CDC40: variants seen among roughly 807,000 people sequenced by gnomAD.
CDC40 encodes pre-mRNA-processing factor 17.
CDC40 carries 27 observed loss-of-function variants against 80.6 expected under a neutral mutation model. That is an observed-to-expected ratio of 0.33 (90% CI 0.25 to 0.46). The LOEUF (loss-of-function observed/expected upper bound fraction) is 0.46, where lower values mean the gene tolerates loss of function less well. Ranked by LOEUF, CDC40 falls within the 20% of genes least tolerant of loss-of-function variation. The pLI, the probability that CDC40 is intolerant of heterozygous loss-of-function variation, is 1.00. For missense variants in CDC40, 486 were observed against 694.1 expected, an observed-to-expected ratio of 0.70 and a Z score of 3.37; for synonymous variants, 221 against 232.6, an observed-to-expected ratio of 0.95 and a Z score of 0.45.
chr6:110,212,144 T>A lies in CDC40; in HGVS notation c.739T>A (p.Tyr247Asn), dbSNP rs746838076. 5 of 1,612,968 alleles carry A rather than the reference T, an allele frequency of 3.1e-6. No individual in the cohort carries two copies. Among genetic ancestry groups the A allele is most frequent in the Non-Finnish European group, 4.2e-6 (5 of 1,179,310 alleles). The change falls in exon 7 of 15, where the codon TAT (tyrosine) becomes AAT (asparagine). Residue 247 changes from tyrosine (Y) to asparagine (N), a missense_variant. Around this residue, in one of 3 missense-constraint regions of CDC40, gnomAD observed 381 missense variants for 492.1 expected, o/e 0.77. Transcript: ENST00000307731. Reference protein sequence around the residue: ...EKTILHVKEMYDYQGRSYLHI... With the variant: ...EKTILHVKEMNDYQGRSYLHI... ...CCTTTTTGTTTCAGTTAAAGAAATG[T>A]ATGACTATCAAGGCAGGTCCTATCT...
chr6:110,209,779 C>A (rs1777610670), intron 5 of CDC40, among the ~76,000 whole-genome samples: 1 of 152,096 alleles, frequency 6.6e-6, no homozygotes, highest in African/African-American at 2.4e-5. Flanking sequence ...AAAATCATGA[C>A]CTCATGAAGC....
intron 2 of CDC40, among the ~76,000 whole-genome samples, chr6:110,201,350 G>A (rs1777490428): frequency 6.6e-6 from 1 of 152,064 alleles, no homozygotes; most frequent in Non-Finnish European, 1.5e-5. Flanking sequence ...TTGAGTGAGA[G>A]GGGTTCCTCT....
chr6:110,220,652 A>G (rs183698362), intron 12 of CDC40, among the ~76,000 whole-genome samples: 66 of 152,124 alleles, frequency 4.3e-4, no homozygotes, highest in South Asian at 4.2e-3. Context: ...TCACTGTGTT[A>G]GCCAGGATGG....
chr6:110,192,803 G>A (rs1042098810), intron 1 of CDC40, among the ~76,000 whole-genome samples: 4 of 152,142 alleles, frequency 2.6e-5, no homozygotes, highest in Non-Finnish European at 5.9e-5. Flanking sequence ...GTGCAATTTG[G>A]TTGCATATCT....
At chr6:110,220,594 G>A (rs916237205) in intron 12 of CDC40, among the ~76,000 whole-genome samples, 8 of 151,860 alleles carry the variant, frequency 5.3e-5, no homozygotes, top group South Asian at 4.2e-4. Context: ...ACAGGCGCCC[G>A]CCACCACGCC....
At chr6:110,199,208 A>G (rs1220296572) in intron 2 of CDC40, among the ~76,000 whole-genome samples, 2 of 152,318 alleles carry the variant, frequency 1.3e-5, no homozygotes, top group African/African-American at 4.8e-5. Context: ...TGCTTTCGGT[A>G]TAGTACCTTA....
intron 1 of CDC40, among the ~76,000 whole-genome samples, chr6:110,192,110 T>A (rs1325988404): frequency 6.6e-6 from 1 of 151,732 alleles, no homozygotes. Context: ...TACTGGGGGG[T>A]TTAGAGCATA....
chr6:110,207,403 A>C (rs1441570269), intron 3 of CDC40, 103 bp from the exon 4 acceptor site: 3 of 638,710 alleles, frequency 4.7e-6, no homozygotes, highest in African/African-American at 3.7e-5. Context: ...ATCATTTTTG[A>C]CATCTGGGAA....
chr6:110,211,943 TG>T (rs780444910), intron 6 of CDC40, 189 bp from the exon 7 acceptor site: 480 of 544,394 alleles, frequency 8.8e-4, no homozygotes, highest in Non-Finnish European at 1.4e-3. Flanking sequence ...TACCTCTAGT[TG>T]TAAATGATAG....
At chr6:110,221,257 G>A (rs909008172) in intron 12 of CDC40, among the ~76,000 whole-genome samples, 3 of 152,190 alleles carry the variant, frequency 2.0e-5, no homozygotes, top group Non-Finnish European at 2.9e-5. Context: ...TAAAAAGTGT[G>A]TCTTTCCATC....
intron 4 of CDC40, 71 bp from the exon 5 acceptor site, chr6:110,209,013 A>G (rs998149274): frequency 7.4e-6 from 7 of 944,014 alleles, no homozygotes; most frequent in African/African-American, 6.7e-5. Flanking sequence ...ACATATGTTC[A>G]TATTTCTTTA....
intron 1 of CDC40, among the ~76,000 whole-genome samples, chr6:110,184,400 C>T (rs79548872): frequency 0.081 from 10,794 of 132,672 alleles, 532 homozygotes; most frequent in African/African-American, 0.16. Flanking sequence ...TTTTTTTTCT[C>T]CCAAAGTTTG....
rs76503669 is a variant in CDC40, at chr6:110,224,830, T to C, written c.1341-1337T>C. On this transcript the variant is annotated intron_variant, in intron 12 of 14. Transcript: ENST00000307731. ...TAAGGTATCCATTTGAATATTTTTG[T>C]TTACTTTTGTTAACACATTGATCAA... 0.014 allele frequency among the ~76,000 whole-genome samples: 2,061 copies of C among 152,360 alleles called. 80 individuals are homozygous for C. In the East Asian group the frequency reaches 0.14, roughly 10 times the overall value.
chr6:110,209,416 T>C (rs1010158666), intron 5 of CDC40, 193 bp downstream of exon 5: 36 of 471,918 alleles, frequency 7.6e-5, no homozygotes, highest in Non-Finnish European at 1.2e-4. Flanking sequence ...CCTTTTCTGC[T>C]GATTTGTTTT....
At chr6:110,205,694 G>A (rs886411272) in intron 3 of CDC40, among the ~76,000 whole-genome samples, 13 of 152,068 alleles carry the variant, frequency 8.5e-5, no homozygotes, top group African/African-American at 2.4e-4. Context: ...TTCCAGACGC[G>A]TCATGAAATG....
At chr6:110,186,976 G>A (rs949013194) in intron 1 of CDC40, among the ~76,000 whole-genome samples, 1 of 152,036 alleles carries the variant, frequency 6.6e-6, no homozygotes, top group Non-Finnish European at 1.5e-5. Flanking sequence ...AGTATTTTCT[G>A]GATAAAATTT....
chr6:110,220,727 G>C lies in CDC40; in HGVS notation c.1340+858G>C, dbSNP rs148711748. Among the ~76,000 whole-genome samples, 833 of 152,300 alleles carry C rather than the reference G, an allele frequency of 5.5e-3. 11 individuals carry two copies. Among genetic ancestry groups the C allele is most frequent in the African/African-American group, 0.019 (807 of 41,560 alleles). Reference sequence around the variant, plus strand: ...CCCAAAGTGCTGGGATTACAGGCGTGAGCCACTGCACCCAGCCAGAAAGGC... The same window carrying C: ...CCCAAAGTGCTGGGATTACAGGCGTCAGCCACTGCACCCAGCCAGAAAGGC... On this transcript the variant is annotated intron_variant, in intron 12 of 14. Coordinates refer to ENST00000307731, the MANE Select transcript of CDC40 (RefSeq NM_015891.3).
In CDC40 at chr6:110,228,864, C is replaced by G. The variant is rs575278093; in HGVS notation, c.1450C>G (p.Gln484Glu). ...KWLACQSMDN[Q>E]ILIFGAQNRF... ...GCTAGCATGCCAATCAATGGACAAC[C>G]AAATCTTAATTTTTGGAGCACAGAA... The change falls in exon 14 of 15, where the codon CAA becomes GAA. Residue 484 changes from glutamine to glutamate, a missense_variant. Coordinates refer to ENST00000307731, the MANE Select transcript of CDC40 (RefSeq NM_015891.3). 6.3e-7 allele frequency: 1 copy of G among 1,596,510 alleles called. No homozygotes were observed. The highest frequency in any genetic ancestry group is 8.5e-7 in the Non-Finnish European group (1 of 1,174,666).
At position 110,212,284 on chromosome 6, in the gene CDC40, G is replaced by A. The variant is rs773271331; in HGVS notation, c.867+12G>A. 2.5e-6 allele frequency: 4 copies of A among 1,612,716 alleles called. No individual in the cohort carries two copies. In the Admixed American group the frequency reaches 6.7e-5, roughly 27 times the overall value. On this transcript the variant is annotated intron_variant, in intron 7 of 14. Transcript: ENST00000307731. Reference sequence around the variant, plus strand: ...CTGGACACACAAAGGTAAGCAAGTTGGTTGTTTCTGTTTGCTGTAATGTTA... The same window carrying A: ...CTGGACACACAAAGGTAAGCAAGTTAGTTGTTTCTGTTTGCTGTAATGTTA...
Sources: gnomAD v4.1 joint callset for allele counts (sites outside exome capture counted in the v4.1 genomes callset) on GRCh38, gnomAD v4.1.1 for gene constraint, gnomAD v4.1.1 regional missense constraint, MANE v1.5 for transcripts, NCBI Gene and HGNC (gene_info 2026-07-23, HGNC 2026-07-21) for gene names.